Variants in CDH12 observed in about 807,000 individuals in gnomAD.
CDH12 encodes the protein cadherin-12.
Under a neutral mutation model 74.1 loss-of-function variants are expected in CDH12, and 41 were observed. The ratio of observed to expected loss-of-function variants is 0.55; its 90% CI spans 0.43 to 0.72. The LOEUF is 0.72. Among genes scored for constraint, CDH12 ranks in the 30% least tolerant of loss-of-function variants. The probability of loss-of-function intolerance (pLI) is 0.00; values close to 1 mark genes in which losing one functional copy is unlikely to be tolerated. For missense variants in CDH12, 945 were observed against 977.2 expected (o/e 0.97, Z 0.44); for synonymous variants, 399 against 355.0 (o/e 1.12, Z -1.39).
chr5:22,787,137 A>AG (rs1747676869), intron 1 of CDH12, among the ~76,000 whole-genome samples: 1 of 150,648 alleles, frequency 6.6e-6, no homozygotes, highest in Non-Finnish European at 1.5e-5. Flanking sequence ...ACACACACAC[A>AG]CCACACACAC....
intron 4 of CDH12, among the ~76,000 whole-genome samples, chr5:22,175,172 G>A (rs544799792): frequency 6.6e-6 from 1 of 152,024 alleles, no homozygotes; most frequent in African/African-American, 2.4e-5. Context: ...AATAAATTTA[G>A]TTCTTTCTTT....
At chr5:21,849,426 A>G (rs1397465705) in intron 7 of CDH12, among the ~76,000 whole-genome samples, 1 of 151,864 alleles carries the variant, frequency 6.6e-6, no homozygotes, top group Non-Finnish European at 1.5e-5. Context: ...ATTCCTGGGC[A>G]TGGAATTTAC....
intron 3 of CDH12, among the ~76,000 whole-genome samples, chr5:22,358,602 G>C (rs1249210828): frequency 6.6e-6 from 1 of 152,136 alleles, no homozygotes; most frequent in African/African-American, 2.4e-5. Flanking sequence ...AATGAACACT[G>C]TCATATATTC....
intron 3 of CDH12, among the ~76,000 whole-genome samples, chr5:22,255,444 C>T (rs535642782): frequency 6.6e-6 from 1 of 151,720 alleles, no homozygotes; most frequent in Non-Finnish European, 1.5e-5. Context: ...AAATACAATA[C>T]TATATTTTTT....
intron 6 of CDH12, among the ~76,000 whole-genome samples, chr5:21,860,024 A>T (rs1014264596): frequency 1.4e-4 from 21 of 151,960 alleles, no homozygotes. Context: ...GTAAAAAAAA[A>T]ACATGACCTG....
chr5:22,655,334 T>C (rs532633316), intron 1 of CDH12, among the ~76,000 whole-genome samples: 8 of 152,336 alleles, frequency 5.3e-5, no homozygotes, highest in Admixed American at 4.6e-4. Context: ...GCAGATACTG[T>C]AACTTTCTTG....
At chr5:22,567,755 T>C (rs1739358806) in intron 1 of CDH12, among the ~76,000 whole-genome samples, 1 of 152,226 alleles carries the variant, frequency 6.6e-6, no homozygotes, top group African/African-American at 2.4e-5. Flanking sequence ...TTTGCAATGA[T>C]TTGGATTAGC....
intron 3 of CDH12, among the ~76,000 whole-genome samples, chr5:22,246,456 G>C (rs1159738144): frequency 1.3e-5 from 2 of 152,146 alleles, no homozygotes; most frequent in East Asian, 1.9e-4. Context: ...TGAAATTTCA[G>C]CTTTATTCTA....
chr5:22,367,364 T>A (rs574157493), intron 3 of CDH12, among the ~76,000 whole-genome samples: 69 of 152,376 alleles, frequency 4.5e-4, no homozygotes, highest in Non-Finnish European at 7.3e-4. Flanking sequence ...GTCTTAGTGA[T>A]GTCTGCATGA....
intron 6 of CDH12, among the ~76,000 whole-genome samples, chr5:21,942,902 G>T (rs1418021300): frequency 6.6e-6 from 1 of 152,160 alleles, no homozygotes; most frequent in Non-Finnish European, 1.5e-5. Flanking sequence ...GTTTGGCTCT[G>T]TGCTGTCACC....
chr5:21,984,829 T>C (rs1235228103), intron 5 of CDH12, among the ~76,000 whole-genome samples: 3 of 152,170 alleles, frequency 2.0e-5, no homozygotes, highest in Non-Finnish European at 4.4e-5. Context: ...CAACATTTTG[T>C]TGTATTTGCT....
At chr5:22,521,209 G>A (rs1157373178) in intron 1 of CDH12, among the ~76,000 whole-genome samples, 1 of 151,276 alleles carries the variant, frequency 6.6e-6, no homozygotes, top group East Asian at 1.9e-4. Context: ...AATTGGATGG[G>A]GTAAGCATAA....
At chr5:22,814,266 A>G (rs1292655729) in intron 1 of CDH12, among the ~76,000 whole-genome samples, 1 of 152,232 alleles carries the variant, frequency 6.6e-6, no homozygotes, top group East Asian at 1.9e-4. Context: ...TGAAATGACA[A>G]AAATAAACAT....
chr5:22,092,553 A>G (rs1462126242), intron 4 of CDH12, among the ~76,000 whole-genome samples: 4 of 152,160 alleles, frequency 2.6e-5, no homozygotes, highest in Non-Finnish European at 5.9e-5. Context: ...GCAAATCGAA[A>G]ACCACAGTGA....
intron 1 of CDH12, among the ~76,000 whole-genome samples, chr5:22,815,562 G>C (rs546270494): frequency 4.9e-4 from 74 of 152,100 alleles, no homozygotes; most frequent in Non-Finnish European, 1.0e-3. Context: ...CTGAGGTCAG[G>C]AGTTCGAGAC....
intron 5 of CDH12, among the ~76,000 whole-genome samples, chr5:22,013,735 C>G (rs183129857): frequency 1.1e-3 from 170 of 152,040 alleles, no homozygotes; most frequent in Non-Finnish European, 2.2e-3. Flanking sequence ...ATGAGACAAG[C>G]CTTAAAGGTA....
At chr5:22,067,336 AT>A (rs1348770108) in intron 5 of CDH12, among the ~76,000 whole-genome samples, 1 of 152,220 alleles carries the variant, frequency 6.6e-6, no homozygotes, top group African/African-American at 2.4e-5. Flanking sequence ...ATATTGAGAT[AT>A]CCCCGAAAAG....
chr5:22,787,197 G>A (rs969519815), intron 1 of CDH12, among the ~76,000 whole-genome samples: 1 of 151,782 alleles, frequency 6.6e-6, no homozygotes, highest in Admixed American at 6.6e-5. Flanking sequence ...TTGCAAACAA[G>A]AAGATATTTC....
At chr5:22,070,774 T>C (rs1232764838) in intron 5 of CDH12, among the ~76,000 whole-genome samples, 2 of 152,294 alleles carry the variant, frequency 1.3e-5, no homozygotes, top group South Asian at 4.1e-4. Context: ...TAGAATTGAA[T>C]TTTTAAATTA....
Sources: allele counts gnomAD v4.1 joint callset (sites outside exome capture counted in the v4.1 genomes callset), GRCh38; gene constraint gnomAD v4.1.1; transcripts MANE v1.5; gene names NCBI Gene and HGNC (gene_info 2026-07-23, HGNC 2026-07-21).